Variants in EMG1 observed in about 807,000 individuals in gnomAD.
The protein encoded by EMG1 is ribosomal RNA small subunit methyltransferase NEP1.
In EMG1, 24 loss-of-function variants were observed where a neutral mutation model predicts 26.9. The observed-to-expected ratio is 0.89, with a 90% confidence interval of 0.65 to 1.26. The LOEUF (loss-of-function observed/expected upper bound fraction) is 1.26. Ranked by LOEUF, EMG1 falls within the 50% of genes most tolerant of loss-of-function variation. EMG1 has a pLI of 0.00. For synonymous variants in EMG1, 140 were observed against 112.6 expected, an observed-to-expected ratio of 1.24 and a Z score of -1.54; for missense variants, 299 against 307.6, an observed-to-expected ratio of 0.97 and a Z score of 0.21.
Position 6,987,733 on chromosome 12 carries a change from C to T in EMG1, c.*155-49C>T, listed in dbSNP as rs942248951. The T allele has an allele frequency of 1.0e-5, 4 of 400,352 alleles. No homozygotes were observed. Among genetic ancestry groups the T allele is most frequent in the African/African-American group, 6.2e-5 (3 of 48,694 alleles). 24.8% of individuals were successfully genotyped at this position (400,352 alleles called of 1,614,324 possible). On this transcript the variant is annotated intron_variant and NMD_transcript_variant, in intron 6 of 7. Coordinates refer to the EMG1 transcript ENST00000261406. The surrounding 1 kb of genome is among the most constrained non-coding windows in gnomAD (Gnocchi z 4.1). Reference sequence around the variant, plus strand: ...GAATGCTCGAAATTAAAAAACACCACACATATTACTCTGCCTCTTTAAGTT... The same window carrying T: ...GAATGCTCGAAATTAAAAAACACCATACATATTACTCTGCCTCTTTAAGTT...
intron 7 of EMG1, among the ~76,000 whole-genome samples, chr12:6,995,330 C>T (rs1052328738): frequency 3.3e-5 from 5 of 151,876 alleles, no homozygotes; most frequent in Non-Finnish European, 7.4e-5. Context: ...AAAAATTAGC[C>T]GGGCGTGGTG....
At chr12:6,982,181 T>C (rs1009152311), downstream of EMG1, among the ~76,000 whole-genome samples, 3 of 152,108 alleles carry the variant, frequency 2.0e-5, no homozygotes, top group Non-Finnish European at 2.9e-5. Context: ...TGTTTCACCA[T>C]GTTGCCCAGG....
chr12:6,996,117 C>G (rs782469259), intron 7 of EMG1, among the ~76,000 whole-genome samples: 1 of 152,232 alleles, frequency 6.6e-6, no homozygotes, highest in African/African-American at 2.4e-5. Flanking sequence ...TCTGCCCGGG[C>G]CCCACTGTCC....
chr12:6,974,142 A>G (rs782237516), intron 1 of EMG1, among the ~76,000 whole-genome samples, 197 bp from the exon 2 acceptor site: 23 of 152,160 alleles, frequency 1.5e-4, no homozygotes, highest in Non-Finnish European at 3.1e-4. Flanking sequence ...ATAAGGCTGC[A>G]CAGTAATCCC....
chr12:6,972,772 A>G (rs946410549), intron 1 of EMG1, among the ~76,000 whole-genome samples: 41 of 149,968 alleles, frequency 2.7e-4, no homozygotes, highest in African/African-American at 9.6e-4. Context: ...TTCATATATA[A>G]TCACTGCCCT....
At chr12:6,986,743 G>C (rs1351640387) in intron 6 of EMG1, among the ~76,000 whole-genome samples, 1 of 143,160 alleles carries the variant, frequency 7.0e-6, no homozygotes, top group Non-Finnish European at 1.5e-5. Context: ...AGATTGCAGT[G>C]AGCAGAGAGA....
downstream of EMG1, among the ~76,000 whole-genome samples, chr12:6,988,790 C>A (rs1555155089): frequency 6.6e-6 from 1 of 152,110 alleles, no homozygotes; most frequent in East Asian, 1.9e-4. Flanking sequence ...TGATGCCTTA[C>A]CTTTATTAGC....
At chr12:6,993,706 G>C (rs1671206405) in intron 7 of EMG1, among the ~76,000 whole-genome samples, 1 of 152,208 alleles carries the variant, frequency 6.6e-6, no homozygotes, top group Non-Finnish European at 1.5e-5. Context: ...GTTGTAGCAT[G>C]TATCAGTACT....
chr12:6,992,666 C>T (rs782730416), downstream of EMG1, among the ~76,000 whole-genome samples: 5 of 152,188 alleles, frequency 3.3e-5, no homozygotes, highest in Non-Finnish European at 5.9e-5. Context: ...TCTTCTAATA[C>T]CCAAATCCAC....
Position 6,976,999 on chromosome 12 carries a change from T to C in EMG1, c.*1190T>C, listed in dbSNP as rs1477098364. The C allele has an allele frequency of 2.6e-5, 17 of 654,184 alleles. No individual in the cohort carries two copies. Among genetic ancestry groups the C allele is most frequent in the Non-Finnish European group, 4.1e-5 (15 of 363,844 alleles). 40.5% of individuals were successfully genotyped at this position (654,184 alleles called of 1,614,324 possible). ...TGCCTCAATAAGTCACAGTAGTCAT[T>C]GCCCATACTGTGTTCCTTAGTAGCC... On this transcript the variant is annotated 3_prime_UTR_variant, in exon 6 of 6. Coordinates refer to ENST00000599672, the MANE Select transcript of EMG1 (RefSeq NM_006331.8).
Position 6,975,988 on chromosome 12 carries a change from T to G in EMG1, c.*179T>G, listed in dbSNP as rs1323911278. ...TACTGTTCTTGCAAACCTGGTTGTT[T>G]TGGGGTTCCTAAAGTATCCAGTGGT... On this transcript the variant is annotated 3_prime_UTR_variant, in exon 6 of 6. Transcript: ENST00000599672. The G allele has an allele frequency of 5.3e-6, 3 of 568,568 alleles. No homozygotes were observed. The East Asian group carries it at 8.6e-5, about 16-fold the overall frequency. 35.2% of individuals were successfully genotyped at this position (568,568 alleles called of 1,614,324 possible).
chr12:6,974,751 G>T (rs1946373355), intron 3 of EMG1, 58 bp downstream of exon 3: 1 of 1,563,416 alleles, frequency 6.4e-7, no homozygotes. Flanking sequence ...AAGGGAGGAA[G>T]AGGAAAAGGG....
chr12:6,989,747 C>G (rs1946569968), downstream of EMG1, among the ~76,000 whole-genome samples: 2 of 152,200 alleles, frequency 1.3e-5, no homozygotes, highest in Non-Finnish European at 2.9e-5. Flanking sequence ...TGTCAGGGAC[C>G]AGATCTATCA....
In EMG1 at chr12:6,975,986, T is replaced by C; in HGVS notation, c.*177T>C. 1 of 569,624 alleles carries C rather than the reference T, an allele frequency of 1.8e-6. No individual in the cohort carries two copies. Among genetic ancestry groups the C allele is most frequent in the Non-Finnish European group, 3.1e-6 (1 of 319,658 alleles). 35.3% of individuals were successfully genotyped at this position (569,624 alleles called of 1,614,324 possible). ...AATACTGTTCTTGCAAACCTGGTTG[T>C]TTTGGGGTTCCTAAAGTATCCAGTG... is the stretch of plus-strand genomic sequence containing the variant. On this transcript the variant is annotated 3_prime_UTR_variant, in exon 6 of 6. Transcript: ENST00000599672.
chr12:6,992,694 C>T (rs782813803), downstream of EMG1, among the ~76,000 whole-genome samples: 1 of 152,270 alleles, frequency 6.6e-6, no homozygotes, highest in South Asian at 2.1e-4. Flanking sequence ...TCCTTTCTCC[C>T]TGGTTTCCTT....
In EMG1 at chr12:6,978,794, G is replaced by A. The variant is rs782165507; in HGVS notation, c.*2985G>A. The A allele has an allele frequency of 5.3e-5, 80 of 1,503,918 alleles. No homozygotes were observed. In the South Asian group the frequency reaches 9.9e-4, roughly 19 times the overall value. The allele number at this position is 1,503,918 out of a possible 1,614,324, so 93.2% of individuals were successfully genotyped here. ...GTGGCTGGCTACTTCATACCTGCCTGAGTCCTGCTGCCAGATGCCCTCAAT... is the reference window on the plus strand; with the variant it reads ...GTGGCTGGCTACTTCATACCTGCCTAAGTCCTGCTGCCAGATGCCCTCAAT... On this transcript the variant is annotated 3_prime_UTR_variant, in exon 6 of 6. Coordinates refer to ENST00000599672, the MANE Select transcript of EMG1 (RefSeq NM_006331.8).
chr12:6,997,378 TA>T (rs1946645961), exon 8 of EMG1: 1 of 123,734 alleles, frequency 8.1e-6, no homozygotes. Context: ...AACAGCAAAT[TA>T]TGTGTGTGTG....
downstream of EMG1, chr12:6,981,302 G>T: frequency 1.2e-6 from 1 of 816,482 alleles, no homozygotes; most frequent in Non-Finnish European, 1.9e-6. Flanking sequence ...CCTTCTCTTT[G>T]GGGGATGACA....
In EMG1 at chr12:6,977,298, G is replaced by A. The variant is rs1348532909; in HGVS notation, c.*1489G>A. ...AGAGGCCACTAAGGTAGACAGGCCT[G>A]GAGTGTCCTTTGCAACCTTTGAGGT... is the stretch of plus-strand genomic sequence containing the variant. On this transcript the variant is annotated 3_prime_UTR_variant, in exon 6 of 6. Coordinates refer to ENST00000599672, the MANE Select transcript of EMG1 (RefSeq NM_006331.8). This position sits in a 1 kb window ranked among gnomAD's most constrained non-coding sequence, Gnocchi z 4.5. 2 of 1,611,320 alleles carry A rather than the reference G, an allele frequency of 1.2e-6. No individual in the cohort carries two copies. The highest frequency in any genetic ancestry group is 1.7e-6 in the Non-Finnish European group (2 of 1,177,468).
Sources: gnomAD v4.1 joint callset for allele counts (sites outside exome capture counted in the v4.1 genomes callset) on GRCh38, gnomAD v4.1.1 for gene constraint, Gnocchi (gnomAD v3.1) non-coding constraint, MANE v1.5 for transcripts, NCBI Gene and HGNC (gene_info 2026-07-23, HGNC 2026-07-21) for gene names.